AGL: variants seen among roughly 807,000 people sequenced by gnomAD.
AGL encodes the protein amylo-alpha-1,6-glucosidase and 4-alpha-glucanotransferase.
AGL carries 128 observed loss-of-function variants against 199.3 expected under a neutral mutation model. That is an observed-to-expected ratio of 0.64 (90% confidence interval 0.56 to 0.74). The LOEUF is 0.74. Ranked by LOEUF, AGL falls within the 30% of genes least tolerant of loss-of-function variation. The pLI is 0.00. For missense variants in AGL, 1,809 were observed against 1,820.8 expected, an observed-to-expected ratio of 0.99 and a Z score of 0.12; for synonymous variants, 584 against 594.7, an observed-to-expected ratio of 0.98 and a Z score of 0.26.
In AGL at chr1:99,877,832, C is replaced by T. The variant is rs1363101376; in HGVS notation, c.1611+4C>T. 6.2e-7 allele frequency: 1 copy of T among 1,613,398 alleles called. No homozygotes were observed. Among genetic ancestry groups the T allele is most frequent in the Admixed American group, 1.7e-5 (1 of 60,008 alleles). ...AACACCTCTTCACGTAGCTGAGGTA[C>T]AGAAAAACAATTTATCTACATTAAG... On this transcript the variant is annotated splice_donor_region_variant and intron_variant, in intron 12 of 33. Coordinates refer to ENST00000361915, the MANE Select transcript of AGL (RefSeq NM_000642.3).
At chr1:99,915,897 A>G (rs1655080629) in intron 31 of AGL, among the ~76,000 whole-genome samples, 1 of 152,222 alleles carries the variant, frequency 6.6e-6, no homozygotes, top group Non-Finnish European at 1.5e-5. Flanking sequence ...AGTTCCATGT[A>G]TTACAATAAA....
chr1:99,884,587 T>C lies in AGL; in HGVS notation c.2565T>C (p.His855=), dbSNP rs1312742910. The C allele has an allele frequency of 1.9e-6, 3 of 1,614,014 alleles. No homozygotes were observed. Among genetic ancestry groups the C allele is most frequent in the African/African-American group, 1.3e-5 (1 of 75,058 alleles). The change falls in exon 20 of 34, where the codon CAT becomes CAC. Residue 855 remains histidine (H), a synonymous_variant. Transcript: ENST00000361915. ...VIIFRVSLDP[H]AQVAVGILRN... is the part of the protein sequence containing the mutation. The stretch of plus-strand genomic sequence containing the variant: ...TTTTCAGAGTTAGTCTTGATCCACA[T>C]GCACAAGTCGCTGTTGGAATTCTTC...
chr1:99,910,883 C>A, intron 28 of AGL, 36 bp downstream of exon 28: 3 of 1,595,878 alleles, frequency 1.9e-6, no homozygotes, highest in East Asian at 2.3e-5. Flanking sequence ...TAATTATACC[C>A]TTCTTTAAGA....
intron 21 of AGL, among the ~76,000 whole-genome samples, chr1:99,890,504 T>TTTTTTTC (rs1652794324): frequency 6.6e-6 from 1 of 152,086 alleles, no homozygotes; most frequent in Non-Finnish European, 1.5e-5. Context: ...CCTAGTAAAA[T>TTTTTTTC]TCATGCAATT....
intron 14 of AGL, 108 bp downstream of exon 14, chr1:99,880,903 A>T: frequency 7.3e-7 from 1 of 1,374,922 alleles, no homozygotes; most frequent in Non-Finnish European, 1.0e-6. Flanking sequence ...AGTGTCTTAG[A>T]TTTATAACTG....
chr1:99,908,242 A>G (rs1654471396), intron 27 of AGL, among the ~76,000 whole-genome samples: 1 of 150,352 alleles, frequency 6.7e-6, no homozygotes, highest in Admixed American at 6.6e-5. Context: ...TATCCAGTTT[A>G]CTCAGCTCCA....
chr1:99,876,492 T>C lies in AGL; in HGVS notation c.1318T>C (p.Ser440Pro). 6.2e-7 allele frequency: 1 copy of C among 1,610,070 alleles called. No homozygotes were observed. The highest frequency in any genetic ancestry group is 8.5e-7 in the Non-Finnish European group (1 of 1,176,342). ...TTTCCCATTTGAAGAGATAGACTTCTCCATGGAAGAATCTATGATTCATCT... is the reference window on the plus strand; with the variant it reads ...TTTCCCATTTGAAGAGATAGACTTCCCCATGGAAGAATCTATGATTCATCT... ...FTFPFEEIDF[S>P]MEESMIHLPN... is the part of the protein sequence containing the mutation. The change falls in exon 11 of 34, where the codon TCC (serine) becomes CCC (proline). Residue 440 changes from serine to proline, a missense_variant. By Grantham distance (74) the Ser-to-Pro change is moderately conservative. Coordinates refer to ENST00000361915, the MANE Select transcript of AGL (RefSeq NM_000642.3).
rs1279127545 is a variant in AGL, at chr1:99,864,415, C to T, written c.490C>T (p.Gln164Ter). ...CAACATGATTCATTTTACCCCATTG[C>T]AGACTCTTGGACTATCTAGGTCATG... The part of the protein sequence containing the change: ...GYNMIHFTPL[Q>*]TLGLSRSCYS... The change falls in exon 5 of 34, where the codon CAG (glutamine) becomes TAG (stop). Residue 164 changes from glutamine to a stop codon, truncating the protein, a stop_gained. Transcript: ENST00000361915. LOFTEE classifies it high-confidence loss of function. The T allele has an allele frequency of 6.2e-7, 1 of 1,613,874 alleles. No homozygotes were observed. Among genetic ancestry groups the T allele is most frequent in the East Asian group, 2.2e-5 (1 of 44,832 alleles).
chr1:99,882,937 T>C (rs1198065946), intron 17 of AGL, among the ~76,000 whole-genome samples: 1 of 152,168 alleles, frequency 6.6e-6, no homozygotes, highest in African/African-American at 2.4e-5. Flanking sequence ...ATATTCACTA[T>C]CCTTATCTGA....
rs1269370932 is a variant in AGL at position 99,892,508 on chromosome 1, C to T, written c.3160C>T (p.Pro1054Ser). ...TCAACTGTGTGGAGTAGGAAAATTC[C>T]CTTCCCTGCCAATTCTTTCACCTGC... Reference protein sequence around the residue: ...SVQLCGVGKFPSLPILSPALM... With the variant: ...SVQLCGVGKFSSLPILSPALM... Residue 1054 changes from proline to serine, a missense_variant, in exon 24 of 34, where the codon CCT (proline) becomes TCT (serine). Physicochemically the swap from Pro to Ser is moderately conservative, Grantham distance 74. Coordinates refer to ENST00000361915, the MANE Select transcript of AGL (RefSeq NM_000642.3). 1 of 1,613,564 alleles carries T rather than the reference C, an allele frequency of 6.2e-7. No homozygotes were observed. The highest frequency in any genetic ancestry group is 8.5e-7 in the Non-Finnish European group (1 of 1,179,670).
chr1:99,849,688 G>A (rs554871458), upstream of AGL, among the ~76,000 whole-genome samples: 5 of 152,322 alleles, frequency 3.3e-5, no homozygotes, highest in South Asian at 6.2e-4. Flanking sequence ...GCTGTAGCCA[G>A]GCCCCTTATT....
At position 99,916,407 on chromosome 1, in the gene AGL, C is replaced by G; in HGVS notation, c.4260-3C>G. ...TTTAACTTAAATTTCAATCATTTTG[C>G]AGTGATATGGTTTACTGTGGAATTT... On this transcript the variant is annotated splice_polypyrimidine_tract_variant and splice_region_variant and intron_variant, in intron 31 of 33. Transcript: ENST00000361915. The G allele has an allele frequency of 6.3e-7, 1 of 1,596,450 alleles. No individual in the cohort carries two copies. The highest frequency in any genetic ancestry group is 8.6e-7 in the Non-Finnish European group (1 of 1,166,628).
Position 99,851,116 on chromosome 1 carries a change from T to G in AGL, c.74T>G (p.Leu25Arg), listed in dbSNP as rs765881303. 3.1e-6 allele frequency: 5 copies of G among 1,613,822 alleles called. No homozygotes were observed. Among genetic ancestry groups the G allele is most frequent in the Non-Finnish European group, 8.5e-7 (1 of 1,179,692 alleles). Reference sequence around the variant, plus strand: ...AAACTGGAAAAGACCCTCTTCAGACTTGAACAAGGTCAGTAGCAAGTTGTT... The same window carrying G: ...AAACTGGAAAAGACCCTCTTCAGACGTGAACAAGGTCAGTAGCAAGTTGTT... ...MEKLEKTLFRLEQGYELQFRL... is the reference protein window; with the variant it reads ...MEKLEKTLFRREQGYELQFRL... The change falls in exon 2 of 34, where the codon CTT (leucine) becomes CGT (arginine). Residue 25 changes from leucine to arginine, a missense_variant. Physicochemically the swap from Leu to Arg is moderately radical, Grantham distance 102. Transcript: ENST00000361915.
At chr1:99,904,908 G>A (rs771813103) in intron 27 of AGL, among the ~76,000 whole-genome samples, 9 of 151,960 alleles carry the variant, frequency 5.9e-5, no homozygotes, top group Non-Finnish European at 8.8e-5. Flanking sequence ...TTCATGTTTT[G>A]GCTAATACGA....
chr1:99,888,183 A>C, intron 21 of AGL, 75 bp downstream of exon 21: 1 of 1,581,080 alleles, frequency 6.3e-7, no homozygotes, highest in African/African-American at 1.3e-5. Context: ...ACAGACATAG[A>C]TATAGGCTCA....
Position 99,874,674 on chromosome 1 carries a change from T to G in AGL, c.959-13T>G, listed in dbSNP as rs1651347846. Reference sequence around the variant, plus strand: ...ATATTTGCATTTAAGGTATCGTCTTTTCTTTCTTTTAGAAAATAGGCGAGT... The same window carrying G: ...ATATTTGCATTTAAGGTATCGTCTTGTCTTTCTTTTAGAAAATAGGCGAGT... On this transcript the variant is annotated splice_polypyrimidine_tract_variant and intron_variant, in intron 7 of 33. Transcript: ENST00000361915. 2 of 1,606,782 alleles carry G rather than the reference T, an allele frequency of 1.2e-6. No individual in the cohort carries two copies. Among genetic ancestry groups the G allele is most frequent in the Non-Finnish European group, 8.5e-7 (1 of 1,173,968 alleles).
chr1:99,916,577 CTT>C lies in AGL; in HGVS notation c.4348-18_4348-17del. ...TTTAGGTATTTATGGTTTTTTTTGT[CTT>C]TTAAATAATCTTTTTTAGGAGTGGC... On this transcript the variant is annotated intron_variant, in intron 32 of 33. Coordinates refer to ENST00000361915, the MANE Select transcript of AGL (RefSeq NM_000642.3). The C allele has an allele frequency of 1.2e-6, 2 of 1,610,168 alleles. No homozygotes were observed. The highest frequency in any genetic ancestry group is 1.7e-6 in the Non-Finnish European group (2 of 1,178,156).
In AGL at chr1:99,874,889, A is replaced by G. The variant is rs534043742; in HGVS notation, c.1082+79A>G. On this transcript the variant is annotated intron_variant, in intron 8 of 33. Transcript: ENST00000361915. ...GGCTAGTATGATTTTCATACTACTT[A>G]TTAAAAACGCTTAATAGAAAATGAA... The G allele has an allele frequency of 1.3e-5, 19 of 1,483,544 alleles. No homozygotes were observed. In the South Asian group the frequency reaches 2.1e-4, roughly 16 times the overall value. 91.9% of individuals were successfully genotyped at this position (1,483,544 alleles called of 1,614,324 possible).
At chr1:99,907,517 G>T (rs1654381757) in intron 27 of AGL, among the ~76,000 whole-genome samples, 1 of 152,042 alleles carries the variant, frequency 6.6e-6, no homozygotes, top group African/African-American at 2.4e-5. Flanking sequence ...TGACCTTTTT[G>T]AGTAACTACC....
Sources: allele counts gnomAD v4.1 joint callset (sites outside exome capture counted in the v4.1 genomes callset), GRCh38; gene constraint gnomAD v4.1.1; transcripts MANE v1.5; gene names NCBI Gene and HGNC (gene_info 2026-07-23, HGNC 2026-07-21).